The following OSBPL5 variants were observed in gnomAD, a reference collection of about 807,000 sequenced individuals.
OSBPL5 encodes oxysterol-binding protein-related protein 5.
A neutral mutation model predicts 111.2 loss-of-function variants in OSBPL5; 71 were observed. That is an observed-to-expected ratio of 0.64 (90% CI 0.53 to 0.78). OSBPL5 has a LOEUF of 0.78. OSBPL5 is among the 30% of genes least tolerant of loss of function. The probability of loss-of-function intolerance (pLI) is 0.00; values close to 1 mark genes in which losing one functional copy is unlikely to be tolerated. For missense variants in OSBPL5, 1,210 were observed against 1,189.3 expected (o/e 1.02, Z -0.26); for synonymous variants, 549 against 513.9 (o/e 1.07, Z -0.93).
rs1346493558 is a variant in OSBPL5, at chr11:3,093,802, T to G, written c.1753A>C (p.Ile585Leu). ...TCTCCCGACGTGATCTTTCCCGAGA[T>G]CTGGTTGATGCTGGTGCTACCCCCG... The part of the protein sequence containing the change: ...FFGGSTSINQ[I>L]SGKITSGEEV... Residue 585 changes from isoleucine (I) to leucine (L), a missense_variant, in exon 16 of 22, where the codon ATC becomes CTC. Physicochemically the swap from Ile to Leu is conservative, Grantham distance 5. Coordinates refer to ENST00000263650, the MANE Select transcript of OSBPL5 (RefSeq NM_020896.4). The G allele has an allele frequency of 1.2e-6, 2 of 1,612,900 alleles. No individual in the cohort carries two copies. Among genetic ancestry groups the G allele is most frequent in the South Asian group, 2.2e-5 (2 of 91,066 alleles).
rs764503386 is a variant in OSBPL5, at chr11:3,122,437, G to C, written c.220-9C>G. 2.7e-5 allele frequency: 43 copies of C among 1,613,198 alleles called. No individual in the cohort carries two copies. Among genetic ancestry groups the C allele is most frequent in the Non-Finnish European group, 3.6e-5 (43 of 1,179,730 alleles). ...CACAGCCTGTACTCTGCCTGAAAGA[G>C]AGAGGTGGGTATGCGGGACAGGGCA... On this transcript the variant is annotated splice_polypyrimidine_tract_variant and intron_variant, in intron 3 of 21. Coordinates refer to ENST00000263650, the MANE Select transcript of OSBPL5 (RefSeq NM_020896.4).
chr11:3,110,392 C>T lies in OSBPL5; in HGVS notation c.692-2447G>A, dbSNP rs1261077277. Among the ~76,000 whole-genome samples the T allele has an allele frequency of 6.6e-6, 1 of 152,210 alleles. No individual in the cohort carries two copies. Among genetic ancestry groups the T allele is most frequent in the Non-Finnish European group, 1.5e-5 (1 of 68,038 alleles). On this transcript the variant is annotated intron_variant, in intron 7 of 21. Transcript: ENST00000263650. The surrounding 1 kb of genome is among the most constrained non-coding windows in gnomAD (Gnocchi z 5.3). ...CCTCCAGGTGGAGGATCATCGCAGT[C>T]ACAGCTGCCTGAGCGGCCACTCAGG...
rs1858086334 is a variant in OSBPL5 at position 3,113,561 on chromosome 11, A to G, written c.692-5616T>C. Among the ~76,000 whole-genome samples, 1 of 152,094 alleles carries G rather than the reference A, an allele frequency of 6.6e-6. No individual in the cohort carries two copies. The highest frequency in any genetic ancestry group is 1.5e-5 in the Non-Finnish European group (1 of 68,018). On this transcript the variant is annotated intron_variant, in intron 7 of 21. Coordinates refer to ENST00000263650, the MANE Select transcript of OSBPL5 (RefSeq NM_020896.4). This position sits in a 1 kb window ranked among gnomAD's most constrained non-coding sequence, Gnocchi z 4.8. ...TCCCAGCTACTCGTGAGGCTGAGGC[A>G]GGAGAATTGCTTGACCTGGGAGGCA...
At chr11:3,155,703 T>A (rs56360132) in intron 1 of OSBPL5, among the ~76,000 whole-genome samples, 2 of 151,808 alleles carry the variant, frequency 1.3e-5, no homozygotes, top group African/African-American at 2.4e-5. Flanking sequence ...ATGTCTGAAG[T>A]GGCCGGATGG....
At chr11:3,125,762 G>A (rs1355140393) in intron 3 of OSBPL5, among the ~76,000 whole-genome samples, 2 of 138,038 alleles carry the variant, frequency 1.4e-5, no homozygotes, top group African/African-American at 2.8e-5. Context: ...CCGAGATCGC[G>A]CCACTGCACT....
chr11:3,137,737 A>C (rs1402153474), intron 1 of OSBPL5, among the ~76,000 whole-genome samples: 2 of 152,156 alleles, frequency 1.3e-5, no homozygotes, highest in Non-Finnish European at 2.9e-5. Flanking sequence ...TGAGCCTGGG[A>C]GGTCGAGGCT....
chr11:3,103,167 G>C, intron 11 of OSBPL5, 72 bp downstream of exon 11: 1 of 1,387,410 alleles, frequency 7.2e-7, no homozygotes, highest in Non-Finnish European at 9.9e-7. Context: ...TCAGGGAAGT[G>C]CCAAGGGACG....
In OSBPL5 at chr11:3,103,699, CCTGCGTACCCCCTTCCAGG is replaced by C. The variant is rs1394961353; in HGVS notation, c.1245-398_1245-380del. Reference sequence around the variant, plus strand: ...TCCAGTCTCTGCAGCCCCCTTCCAGCCTGCGTACCCCCTTCCAGGCTCTGCTGCCCCTTCCTGCCTCTGC... The same window carrying C: ...TCCAGTCTCTGCAGCCCCCTTCCAGCCTCTGCTGCCCCTTCCTGCCTCTGC... On this transcript the variant is annotated intron_variant, in intron 10 of 21. Transcript: ENST00000263650. 1.6e-4 allele frequency among the ~76,000 whole-genome samples: 23 copies of C among 147,898 alleles called. 1 individual carries two copies. Among genetic ancestry groups the C allele is most frequent in the South Asian group, 1.3e-3 (6 of 4,610 alleles).
chr11:3,089,859 G>C lies in OSBPL5; in HGVS notation c.2488C>G (p.Gln830Glu), dbSNP rs773840428. 17 of 1,561,824 alleles carry C rather than the reference G, an allele frequency of 1.1e-5. No homozygotes were observed. In the Admixed American group the frequency reaches 1.1e-4, roughly 10 times the overall value. Residue 830 changes from glutamine (Q) to glutamate (E), a missense_variant, in exon 21 of 22, where the codon CAG (glutamine) becomes GAG (glutamate). By Grantham distance (29) the Gln-to-Glu change is conservative. Coordinates refer to ENST00000263650, the MANE Select transcript of OSBPL5 (RefSeq NM_020896.4). The part of the protein sequence containing the change: ...EAILSIREAQ[Q>E]ELHRHLSAML... The stretch of plus-strand genomic sequence containing the variant: ...AGTGTGGCCCACCTGTGCAGCTCCT[G>C]CTGGGCCTCTCGGATGGAGAGGATG...
chr11:3,092,691 G>A lies in OSBPL5; in HGVS notation c.2133-133C>T, dbSNP rs1217458730. 1.5e-5 allele frequency: 20 copies of A among 1,354,028 alleles called. No homozygotes were observed. The highest frequency in any genetic ancestry group is 1.7e-5 in the Non-Finnish European group (17 of 1,014,162). 83.9% of individuals were successfully genotyped at this position (1,354,028 alleles called of 1,614,324 possible). On this transcript the variant is annotated intron_variant, in intron 18 of 21. Transcript: ENST00000263650. This position sits in a 1 kb window ranked among gnomAD's most constrained non-coding sequence, Gnocchi z 5.4. Reference sequence around the variant, plus strand: ...AATGACCACTGCCCACACCCCATGGGCAGGGCCTGCAGTAAGGACTGATGA... The same window carrying A: ...AATGACCACTGCCCACACCCCATGGACAGGGCCTGCAGTAAGGACTGATGA...
chr11:3,088,827 C>G (rs114474200), intron 21 of OSBPL5, among the ~76,000 whole-genome samples: 3 of 152,152 alleles, frequency 2.0e-5, no homozygotes, highest in African/African-American at 7.2e-5. Context: ...GAGAAGCTGG[C>G]GTCTGCCAGG....
rs754444163 is a variant in OSBPL5, at chr11:3,089,914, C to T, written c.2433G>A (p.Glu811=). Residue 811 remains glutamate (E), a synonymous_variant, in exon 21 of 22, where the codon GAG becomes GAA. Coordinates refer to ENST00000263650, the MANE Select transcript of OSBPL5 (RefSeq NM_020896.4). Reference sequence around the variant, plus strand: ...CGTGCAGGGCCTGCAGCCGCCGCGCCTCCTTCCTGCACCGAGGGCATGGGC... The same window carrying T: ...CGTGCAGGGCCTGCAGCCGCCGCGCTTCCTTCCTGCACCGAGGGCATGGGC... ...GESPCPRCRK[E]ARRLQALHEA... is the part of the protein sequence containing the mutation. 6 of 1,566,180 alleles carry T rather than the reference C, an allele frequency of 3.8e-6. No individual in the cohort carries two copies. The Admixed American group carries it at 9.3e-5, about 24-fold the overall frequency.
At chr11:3,112,012 C>T (rs11517787) in intron 7 of OSBPL5, among the ~76,000 whole-genome samples, 59 of 114,206 alleles carry the variant, frequency 5.2e-4, no homozygotes, top group African/African-American at 1.2e-3. Context: ...TGTGTGTGCG[C>T]GCATGTGTGT....
At position 3,094,237 on chromosome 11, in the gene OSBPL5, C is replaced by G; in HGVS notation, c.1719G>C (p.Lys573Asn). 1 of 1,613,348 alleles carries G rather than the reference C, an allele frequency of 6.2e-7. No homozygotes were observed. The highest frequency in any genetic ancestry group is 8.5e-7 in the Non-Finnish European group (1 of 1,179,892). Residue 573 changes from lysine to asparagine, a missense_variant and splice_region_variant, in exon 15 of 22, where the codon AAG (lysine) becomes AAC (asparagine). Transcript: ENST00000263650. ...NFQAQLEFKLKPFFGGSTSIN... is the reference protein window; with the variant it reads ...NFQAQLEFKLNPFFGGSTSIN... ...TCCCCCAGGCTGCAGCCAGCGCTAC[C>G]TTGAGTTTGAATTCCAGCTGGGCCT...
At chr11:3,132,009 G>GCATCCATCCATCCATCCATC (rs57904462) in intron 1 of OSBPL5, among the ~76,000 whole-genome samples, 3 of 40,164 alleles carry the variant, frequency 7.5e-5, no homozygotes, top group Admixed American at 2.9e-4. Context: ...TCCCTTTCAG[G>GCATCCATCCATCCATCCATC]CATCCATCCA....
Position 3,092,737 on chromosome 11 carries a change from C to T in OSBPL5, c.2132+130G>A. 7.4e-7 allele frequency: 1 copy of T among 1,355,406 alleles called. No homozygotes were observed. Among genetic ancestry groups the T allele is most frequent in the South Asian group, 1.5e-5 (1 of 66,744 alleles). 84.0% of individuals were successfully genotyped at this position (1,355,406 alleles called of 1,614,324 possible). A position where few individuals can be genotyped will look rare whatever the true frequency, so the allele number is the denominator to read the frequency against. On this transcript the variant is annotated intron_variant, in intron 18 of 21. Coordinates refer to ENST00000263650, the MANE Select transcript of OSBPL5 (RefSeq NM_020896.4). This position sits in a 1 kb window ranked among gnomAD's most constrained non-coding sequence, Gnocchi z 5.4. ...GATGATGGGGGGTGTCACTATCTGA[C>T]CCTCCCCCACCGACTCCTCCAGGGG...
intron 14 of OSBPL5, among the ~76,000 whole-genome samples, chr11:3,095,269 C>A (rs1857214137): frequency 6.7e-6 from 1 of 148,998 alleles, no homozygotes; most frequent in Non-Finnish European, 1.5e-5. Context: ...CAAGATCACA[C>A]CACTGCACTC....
chr11:3,101,634 A>G lies in OSBPL5; in HGVS notation c.1491T>C (p.Ser497=). ...VSNRKDGFCI[S]GSITAKSRFY... ...ACCTGGACTTGGCTGTGATGCTGCC[A>G]CTGATGCAGAAGCCGTCCTTCCGGT... Residue 497 remains serine (S), a synonymous_variant, in exon 13 of 22, where the codon AGT becomes AGC. Transcript: ENST00000263650. The G allele has an allele frequency of 6.2e-7, 1 of 1,613,946 alleles. No individual in the cohort carries two copies. The highest frequency in any genetic ancestry group is 8.5e-7 in the Non-Finnish European group (1 of 1,179,982).
intron 1 of OSBPL5, among the ~76,000 whole-genome samples, chr11:3,160,048 T>C (rs1202887930): frequency 6.6e-6 from 1 of 152,126 alleles, no homozygotes; most frequent in Admixed American, 6.5e-5. Flanking sequence ...CTCCCTGCCC[T>C]GGCCCCACCA....
Sources: gnomAD v4.1 joint callset for allele counts (sites outside exome capture counted in the v4.1 genomes callset) on GRCh38, gnomAD v4.1.1 for gene constraint, Gnocchi (gnomAD v3.1) non-coding constraint, MANE v1.5 for transcripts, NCBI Gene and HGNC (gene_info 2026-07-23, HGNC 2026-07-21) for gene names.